POU6F2: variants seen among roughly 807,000 people sequenced by gnomAD.
The protein encoded by POU6F2 is POU domain, class 6, transcription factor 2.
Under a neutral mutation model 71.3 loss-of-function variants are expected in POU6F2, and 31 were observed. The observed-to-expected ratio is 0.43, with a 90% CI of 0.33 to 0.59. The LOEUF (loss-of-function observed/expected upper bound fraction) is 0.59. POU6F2 is among the 20% of genes least tolerant of loss of function. POU6F2 has a pLI of 0.04. For missense variants in POU6F2, 783 were observed against 856.8 expected, an observed-to-expected ratio of 0.91 and a Z score of 1.07; for synonymous variants, 347 against 355.7, an observed-to-expected ratio of 0.98 and a Z score of 0.27.
At chr7:39,042,414 T>G (rs765452532) in intron 1 of POU6F2, among the ~76,000 whole-genome samples, 4 of 151,934 alleles carry the variant, frequency 2.6e-5, no homozygotes, top group Admixed American at 2.0e-4. Flanking sequence ...AGCCAGGACA[T>G]TCAATTGGGA....
chr7:39,321,116 TAA>T (rs1785381805), intron 4 of POU6F2, among the ~76,000 whole-genome samples: 1 of 152,172 alleles, frequency 6.6e-6, no homozygotes, highest in African/African-American at 2.4e-5. Flanking sequence ...TATATTGTAA[TAA>T]AAGTTATATG....
chr7:39,128,847 G>A (rs373020423), intron 2 of POU6F2, among the ~76,000 whole-genome samples: 5 of 152,302 alleles, frequency 3.3e-5, no homozygotes, highest in African/African-American at 1.2e-4. Context: ...TCTGTAGAGT[G>A]AAGAAAGTAC....
At chr7:39,315,003 G>A (rs1226308844) in intron 4 of POU6F2, among the ~76,000 whole-genome samples, 1 of 152,146 alleles carries the variant, frequency 6.6e-6, no homozygotes, top group Non-Finnish European at 1.5e-5. Flanking sequence ...GGTCTTACCT[G>A]TAACACTGCA....
chr7:39,274,749 T>C (rs1242858187), intron 4 of POU6F2, among the ~76,000 whole-genome samples: 1,718 of 110,278 alleles, frequency 0.016, 7 homozygotes, highest in Middle Eastern at 0.028. Flanking sequence ...GTTCAATATA[T>C]GCAAATCAAT....
chr7:39,400,978 C>T (rs1346644390), intron 5 of POU6F2, among the ~76,000 whole-genome samples: 1 of 152,104 alleles, frequency 6.6e-6, no homozygotes, highest in Non-Finnish European at 1.5e-5. Flanking sequence ...AACAGGGACT[C>T]TCTGCAAAGC....
rs372322083 is a variant in POU6F2, at chr7:39,277,168, TA to T, written c.599-62471del. Among the ~76,000 whole-genome samples the T allele has an allele frequency of 1.3e-3, 205 of 152,234 alleles. 1 individual carries two copies. Among genetic ancestry groups the T allele is most frequent in the African/African-American group, 4.5e-3 (185 of 41,552 alleles). On this transcript the variant is annotated intron_variant, in intron 4 of 9. Transcript: ENST00000518318. ...AAGAAACAGTACAGTTTCAAGTAAATAAAGGTAGACAGGAAGTTCTCTGGCT... is the reference window on the plus strand; with the variant it reads ...AAGAAACAGTACAGTTTCAAGTAAATAAGGTAGACAGGAAGTTCTCTGGCT...
At chr7:39,333,112 G>A (rs1037791793) in intron 4 of POU6F2, among the ~76,000 whole-genome samples, 11 of 152,050 alleles carry the variant, frequency 7.2e-5, no homozygotes, top group South Asian at 2.1e-4. Context: ...CTTAGCCCCC[G>A]CCCCCAACAC....
intron 1 of POU6F2, among the ~76,000 whole-genome samples, chr7:39,067,461 CATTA>C (rs975017245): frequency 5.1e-4 from 77 of 151,836 alleles, no homozygotes; most frequent in African/African-American, 1.8e-3. Flanking sequence ...TAAAAACTAA[CATTA>C]ATAAAAATCA....
chr7:39,347,028 A>C (rs537934019), intron 5 of POU6F2, among the ~76,000 whole-genome samples: 1 of 152,200 alleles, frequency 6.6e-6, no homozygotes, highest in Non-Finnish European at 1.5e-5. Context: ...CTGGGTTTGA[A>C]TGCTCGCTGT....
At chr7:39,337,217 ACT>A (rs1352198510) in intron 4 of POU6F2, among the ~76,000 whole-genome samples, 1 of 152,080 alleles carries the variant, frequency 6.6e-6, no homozygotes, top group Non-Finnish European at 1.5e-5. Context: ...CTTTACCGTA[ACT>A]CTCTCTTCTC....
intron 5 of POU6F2, among the ~76,000 whole-genome samples, chr7:39,387,203 A>G (rs552625244): frequency 4.2e-4 from 64 of 152,356 alleles, no homozygotes; most frequent in Admixed American, 2.0e-3. Flanking sequence ...AGACACACAC[A>G]ATCCTTATTT....
chr7:39,248,909 G>T (rs561036183), intron 4 of POU6F2, among the ~76,000 whole-genome samples: 1 of 152,156 alleles, frequency 6.6e-6, no homozygotes, highest in Non-Finnish European at 1.5e-5. Context: ...TTCTCACACT[G>T]CCCCTGGGAC....
chr7:39,159,534 C>T (rs775361079), intron 2 of POU6F2, among the ~76,000 whole-genome samples: 7 of 152,196 alleles, frequency 4.6e-5, no homozygotes, highest in Admixed American at 1.3e-4. Context: ...GAAACGTACA[C>T]GCATTTCTGC....
intron 4 of POU6F2, among the ~76,000 whole-genome samples, chr7:39,250,004 A>G (rs1462196272): frequency 6.6e-6 from 1 of 152,224 alleles, no homozygotes; most frequent in Non-Finnish European, 1.5e-5. Context: ...TGCAGGCATT[A>G]AAGCGTGGGC....
chr7:39,280,316 A>G (rs979498843), intron 4 of POU6F2, among the ~76,000 whole-genome samples: 6 of 152,350 alleles, frequency 3.9e-5, no homozygotes, highest in African/African-American at 1.2e-4. Flanking sequence ...CAACCCTGGC[A>G]TCTATAATAG....
intron 6 of POU6F2, among the ~76,000 whole-genome samples, chr7:39,429,850 T>C (rs567465739): frequency 4.3e-4 from 65 of 152,380 alleles, no homozygotes; most frequent in African/African-American, 1.6e-3. Context: ...CCTGATTTAG[T>C]TGAAACATAT....
intron 4 of POU6F2, among the ~76,000 whole-genome samples, chr7:39,248,326 A>G (rs1783855604): frequency 2.0e-5 from 3 of 152,188 alleles, no homozygotes; most frequent in Non-Finnish European, 4.4e-5. Context: ...AAGCCAAACA[A>G]AACAGCTTGA....
At chr7:39,141,844 T>G (rs113149455) in intron 2 of POU6F2, among the ~76,000 whole-genome samples, 2,161 of 152,142 alleles carry the variant, frequency 0.014, 53 homozygotes, top group African/African-American at 0.048. Flanking sequence ...TCCCAGCACT[T>G]TGGGAGGCCG....
chr7:39,428,962 C>T (rs372821573), intron 6 of POU6F2, among the ~76,000 whole-genome samples: 2 of 88,204 alleles, frequency 2.3e-5, no homozygotes, highest in Admixed American at 1.8e-4. Context: ...CAGGGCCTGT[C>T]GTAGGGTGGG....
Sources: allele counts gnomAD v4.1 joint callset (sites outside exome capture counted in the v4.1 genomes callset), GRCh38; gene constraint gnomAD v4.1.1; transcripts MANE v1.5; gene names NCBI Gene and HGNC (gene_info 2026-07-23, HGNC 2026-07-21).